KRCC1: variants seen among roughly 807,000 people sequenced by gnomAD.
KRCC1 encodes lysine rich coiled-coil 1.
In KRCC1, 3 loss-of-function variants were observed where a neutral mutation model predicts 7.4. The observed-to-expected ratio is 0.40, with a 90% confidence interval of 0.18 to 1.04. KRCC1 has a LOEUF of 1.04. Ranked by LOEUF, KRCC1 falls within the 50% of genes least tolerant of loss-of-function variation. The probability of loss-of-function intolerance (pLI) is 0.33; values close to 1 mark genes in which losing one functional copy is unlikely to be tolerated. For missense variants in KRCC1, 277 were observed against 300.9 expected (o/e 0.92, Z 0.59); for synonymous variants, 102 against 101.6 (o/e 1.00, Z -0.02).
At chr2:88,053,725 CAA>C (rs1232784955) in intron 1 of KRCC1, among the ~76,000 whole-genome samples, 2 of 152,078 alleles carry the variant, frequency 1.3e-5, no homozygotes, top group Non-Finnish European at 2.9e-5. Context: ...GCCAGTTCTC[CAA>C]AGTCAATAGA....
rs140867717 is a variant in KRCC1 at position 88,027,904 on chromosome 2, T to C, written c.660A>G (p.Lys220=). The change falls in exon 4 of 4, where the codon AAA becomes AAG. Residue 220 remains lysine, a synonymous_variant. Coordinates refer to ENST00000347055, the MANE Select transcript of KRCC1 (RefSeq NM_016618.3). ...TCTTAGAGACTACATCTCGGCTTTT[T>C]TTCTCCTTTCGATTCTTAAGCTTTT... ...STEKLKNRKE[K]KSRDVVSKKE... is the part of the protein sequence containing the mutation. 2.5e-4 allele frequency: 406 copies of C among 1,613,976 alleles called. No homozygotes were observed. The highest frequency in any genetic ancestry group is 3.3e-4 in the Non-Finnish European group (389 of 1,180,048).
chr2:88,035,383 T>C lies in KRCC1; in HGVS notation c.-181-1091A>G, dbSNP rs186512606. Among the ~76,000 whole-genome samples, 5 of 152,310 alleles carry C rather than the reference T, an allele frequency of 3.3e-5. No individual in the cohort carries two copies. In the East Asian group the frequency reaches 5.8e-4, roughly 18 times the overall value. On this transcript the variant is annotated intron_variant, in intron 2 of 3. Coordinates refer to ENST00000347055, the MANE Select transcript of KRCC1 (RefSeq NM_016618.3). ...ATAAGAAGAAAGCTGAAGTGTTGTGTAGGATTCTAGGAGGGATCCTCCCTT... is the reference window on the plus strand; with the variant it reads ...ATAAGAAGAAAGCTGAAGTGTTGTGCAGGATTCTAGGAGGGATCCTCCCTT...
chr2:88,029,854 A>ATTT (rs11334245), intron 3 of KRCC1, among the ~76,000 whole-genome samples: 21,347 of 138,272 alleles, frequency 0.15, 2,096 homozygotes, highest in Non-Finnish European at 0.21. Flanking sequence ...ATATATATAT[A>ATTT]TTTTTTTTTT....
chr2:88,046,854 T>G (rs1470570791), intron 1 of KRCC1, among the ~76,000 whole-genome samples: 2 of 152,068 alleles, frequency 1.3e-5, no homozygotes, highest in African/African-American at 2.4e-5. Context: ...ATATTTTTTT[T>G]GCAGACATGA....
At chr2:88,034,035 A>C (rs1356547514) in intron 3 of KRCC1, 99 bp downstream of exon 3, 1 of 152,632 alleles carries the variant, frequency 6.6e-6, no homozygotes, top group Non-Finnish European at 1.5e-5. Flanking sequence ...CTACAACACA[A>C]ATGAAGCTTG....
chr2:88,029,310 T>TA (rs1272755128), intron 3 of KRCC1, among the ~76,000 whole-genome samples: 2 of 152,178 alleles, frequency 1.3e-5, no homozygotes, highest in Non-Finnish European at 1.5e-5. Context: ...GAACCACAGA[T>TA]ACAGAATTTG....
chr2:88,028,638 T>A, intron 3 of KRCC1, 53 bp from the exon 4 acceptor site: 6 of 951,228 alleles, frequency 6.3e-6, no homozygotes, highest in Middle Eastern at 2.3e-4. Context: ...GAGCATTTCC[T>A]TTGCTCTTTT....
At chr2:88,028,644 CTT>C (rs35917852) in intron 3 of KRCC1, 59 bp from the exon 4 acceptor site, 1,480 of 500,198 alleles carry the variant, frequency 3.0e-3, no homozygotes, top group Middle Eastern at 5.3e-3. Context: ...TTCCTTTGCT[CTT>C]TTTTTTTTTT....
chr2:88,049,385 G>A (rs761099371), intron 1 of KRCC1, among the ~76,000 whole-genome samples: 4 of 152,130 alleles, frequency 2.6e-5, no homozygotes, highest in Non-Finnish European at 4.4e-5. Flanking sequence ...AGGGGGAAGC[G>A]TATCAATGCT....
chr2:88,046,042 T>C (rs1673326357), intron 1 of KRCC1, among the ~76,000 whole-genome samples: 1 of 152,210 alleles, frequency 6.6e-6, no homozygotes, highest in Non-Finnish European at 1.5e-5. Flanking sequence ...ATAAAGTAAC[T>C]AAAGGAGTTT....
rs931841518 is a variant in KRCC1, at chr2:88,036,981, C to G, written c.-220G>C. ...ATCCTTTGTTATTTGAACTGTAACACTACTCCACAGACATCTTTTATAAAA... is the reference window on the plus strand; with the variant it reads ...ATCCTTTGTTATTTGAACTGTAACAGTACTCCACAGACATCTTTTATAAAA... On this transcript the variant is annotated 5_prime_UTR_variant, in exon 2 of 4. An upstream open reading frame in the 5' UTR loses its in-frame stop. Coordinates refer to ENST00000347055, the MANE Select transcript of KRCC1 (RefSeq NM_016618.3). 6.6e-6 allele frequency: 1 copy of G among 152,170 alleles called. No homozygotes were observed. Among genetic ancestry groups the G allele is most frequent in the Non-Finnish European group, 1.5e-5 (1 of 68,030 alleles). The allele number at this position is 152,170 out of a possible 1,614,324, so 9.4% of individuals were successfully genotyped here.
intron 1 of KRCC1, among the ~76,000 whole-genome samples, chr2:88,041,599 T>C (rs775967232): frequency 8.5e-5 from 13 of 152,172 alleles, no homozygotes; most frequent in Non-Finnish European, 1.5e-4. Flanking sequence ...TGTATATGTA[T>C]CAAACTTCAG....
In KRCC1 at chr2:88,027,888, C is replaced by G; in HGVS notation, c.676G>C (p.Val226Leu). ...NRKEKKSRDV[V>L]SKKEERKRTK... ...CGCTTACGTTCCTCTTTCTTAGAGA[C>G]TACATCTCGGCTTTTTTTCTCCTTT... Residue 226 changes from valine to leucine, a missense_variant, in exon 4 of 4, where the codon GTC becomes CTC. Transcript: ENST00000347055. 1 of 1,614,066 alleles carries G rather than the reference C, an allele frequency of 6.2e-7. No individual in the cohort carries two copies. Among genetic ancestry groups the G allele is most frequent in the Non-Finnish European group, 8.5e-7 (1 of 1,180,020 alleles).
At chr2:88,051,834 A>T (rs2104630071) in intron 1 of KRCC1, among the ~76,000 whole-genome samples, 1 of 152,366 alleles carries the variant, frequency 6.6e-6, no homozygotes, top group East Asian at 1.9e-4. Flanking sequence ...CAGATGTGTT[A>T]AATCAGTTCA....
chr2:88,037,423 T>A (rs1438294686), intron 1 of KRCC1, among the ~76,000 whole-genome samples: 2 of 152,118 alleles, frequency 1.3e-5, no homozygotes, highest in Non-Finnish European at 2.9e-5. Flanking sequence ...ACATCACCAA[T>A]GTCATCTGAG....
chr2:88,048,280 C>T (rs932553577), intron 1 of KRCC1, among the ~76,000 whole-genome samples: 3 of 152,042 alleles, frequency 2.0e-5, no homozygotes, highest in African/African-American at 7.2e-5. Flanking sequence ...CAGGGTTTCA[C>T]CATGTTGGTC....
chr2:88,040,338 A>G (rs986562383), intron 1 of KRCC1, among the ~76,000 whole-genome samples: 1 of 152,198 alleles, frequency 6.6e-6, no homozygotes, highest in Non-Finnish European at 1.5e-5. Context: ...TTTCAAAGCT[A>G]TTCTTTCATT....
At chr2:88,041,956 C>G (rs751373858) in intron 1 of KRCC1, among the ~76,000 whole-genome samples, 10 of 152,204 alleles carry the variant, frequency 6.6e-5, no homozygotes, top group Non-Finnish European at 1.5e-4. Flanking sequence ...TCTCTCCCCC[C>G]CGATATTGGC....
chr2:88,028,137 C>G lies in KRCC1; in HGVS notation c.427G>C (p.Asp143His). ...GCTTGATGAGTACTGGTACTGTTAT[C>G]TGAGGAGAAGTGCTTGTAAACTCTA... is the stretch of plus-strand genomic sequence containing the variant. ...EHRVYKHFSSDNSTSTHQASH... is the reference protein window; with the variant it reads ...EHRVYKHFSSHNSTSTHQASH... The change falls in exon 4 of 4, where the codon GAT (aspartate) becomes CAT (histidine). Residue 143 changes from aspartate to histidine, a missense_variant. Physicochemically the swap from Asp to His is moderately conservative, Grantham distance 81. Transcript: ENST00000347055. 1 of 1,614,040 alleles carries G rather than the reference C, an allele frequency of 6.2e-7. No individual in the cohort carries two copies. The highest frequency in any genetic ancestry group is 2.2e-5 in the East Asian group (1 of 44,872).
Sources: gnomAD v4.1 joint callset for allele counts (sites outside exome capture counted in the v4.1 genomes callset) on GRCh38, gnomAD v4.1.1 for gene constraint, MANE v1.5 for transcripts, NCBI Gene and HGNC (gene_info 2026-07-23, HGNC 2026-07-21) for gene names.